PTPRM: variants seen among roughly 807,000 people sequenced by gnomAD.
The protein encoded by PTPRM is receptor-type tyrosine-protein phosphatase mu.
Under a neutral mutation model 186.7 loss-of-function variants are expected in PTPRM, and 47 were observed. That is an observed-to-expected ratio of 0.25 (90% CI 0.20 to 0.32). The LOEUF is 0.32. Ranked by LOEUF, PTPRM falls within the 10% of genes least tolerant of loss-of-function variation. The pLI is 1.00. For missense variants in PTPRM, 1,494 were observed against 1,865.0 expected (o/e 0.80, Z 3.66); for synonymous variants, 668 against 674.9 (o/e 0.99, Z 0.16).
intron 2 of PTPRM, among the ~76,000 whole-genome samples, chr18:7,876,954 T>C (rs1333448761): frequency 6.6e-6 from 1 of 152,142 alleles, no homozygotes. Context: ...CCTCTATGCC[T>C]GAGTTCTGTC....
intron 2 of PTPRM, among the ~76,000 whole-genome samples, chr18:7,858,503 A>G (rs2047195885): frequency 6.6e-6 from 1 of 152,198 alleles, no homozygotes; most frequent in South Asian, 2.1e-4. Flanking sequence ...TGACATTACA[A>G]TGAGCTGTGA....
chr18:7,751,778 G>A (rs909617391), intron 1 of PTPRM, among the ~76,000 whole-genome samples: 4 of 152,172 alleles, frequency 2.6e-5, no homozygotes, highest in Admixed American at 1.3e-4. Flanking sequence ...ACTAACTACT[G>A]CAAAAGCCTT....
At chr18:8,168,786 G>A (rs1313002107) in intron 14 of PTPRM, among the ~76,000 whole-genome samples, 1 of 152,146 alleles carries the variant, frequency 6.6e-6, no homozygotes. Context: ...GTATGGAGCA[G>A]GATTTAACCA....
chr18:8,131,102 C>G (rs1291175495), intron 13 of PTPRM, among the ~76,000 whole-genome samples: 1 of 152,130 alleles, frequency 6.6e-6, no homozygotes, highest in Non-Finnish European at 1.5e-5. Context: ...TAATCCAGGC[C>G]ACTGCCAGTC....
chr18:8,016,449 T>TGGCGGA (rs536553098), intron 7 of PTPRM, among the ~76,000 whole-genome samples: 68 of 147,368 alleles, frequency 4.6e-4, no homozygotes, highest in South Asian at 2.6e-3. Context: ...GAACCTCTCA[T>TGGCGGA]GGCGGAGGCG....
In PTPRM at chr18:8,143,777, A is replaced by T; in HGVS notation, c.2298A>T (p.Lys766Asn). The T allele has an allele frequency of 6.2e-7, 1 of 1,614,092 alleles. No individual in the cohort carries two copies. Among genetic ancestry groups the T allele is most frequent in the Non-Finnish European group, 8.5e-7 (1 of 1,179,942 alleles). ...IFLGVVLVMK[K>N]RKLAKKRKET... ...TTGGAGTTGTGTTGGTAATGAAGAA[A>T]AGGTGAGCTCCTAGCTGTTGCCAAA... The change falls in exon 14 of 33, where the codon AAA (lysine) becomes AAT (asparagine). Residue 766 changes from lysine to asparagine, a missense_variant and splice_region_variant. This residue lies in a region of PTPRM where 1,107 missense variants were observed against 1,350.2 expected (regional missense o/e 0.82). Coordinates refer to ENST00000580170, the MANE Select transcript of PTPRM (RefSeq NM_001105244.2).
intron 1 of PTPRM, among the ~76,000 whole-genome samples, chr18:7,628,478 G>A (rs888648329): frequency 5.3e-5 from 8 of 152,090 alleles, no homozygotes; most frequent in African/African-American, 1.4e-4. Flanking sequence ...ATTGTAAATC[G>A]TTTGTCTTTT....
chr18:7,899,870 G>A (rs1035924867), intron 3 of PTPRM, among the ~76,000 whole-genome samples: 8 of 152,104 alleles, frequency 5.3e-5, no homozygotes, highest in African/African-American at 1.9e-4. Flanking sequence ...TTGCAAATAT[G>A]TATTTTAAAA....
rs139722023 is a variant in PTPRM, at chr18:8,277,077, C to T, written c.2755-19291C>T. ...TCAGCCCCCTGAGTAGCTGGGACTACGGGCACCTACCACCATGCCTGGCTA... is the reference window on the plus strand; with the variant it reads ...TCAGCCCCCTGAGTAGCTGGGACTATGGGCACCTACCACCATGCCTGGCTA... On this transcript the variant is annotated intron_variant, in intron 19 of 32. Coordinates refer to ENST00000580170, the MANE Select transcript of PTPRM (RefSeq NM_001105244.2). 3.8e-3 allele frequency among the ~76,000 whole-genome samples: 577 copies of T among 152,158 alleles called. 3 individuals are homozygous for T. The highest frequency in any genetic ancestry group is 0.013 in the African/African-American group (556 of 41,518).
At chr18:8,162,629 G>C (rs988959987) in intron 14 of PTPRM, among the ~76,000 whole-genome samples, 1 of 152,210 alleles carries the variant, frequency 6.6e-6, no homozygotes. Context: ...GAGACCCAGA[G>C]ATCATCTAAG....
intron 7 of PTPRM, among the ~76,000 whole-genome samples, chr18:8,018,966 C>T (rs374950615): frequency 1.1e-4 from 16 of 152,170 alleles, no homozygotes; most frequent in South Asian, 2.1e-4. Context: ...TTTTCCCATC[C>T]GTAATAACGA....
intron 15 of PTPRM, among the ~76,000 whole-genome samples, chr18:8,245,350 A>C (rs1568594045): frequency 6.6e-6 from 1 of 152,142 alleles, no homozygotes; most frequent in Non-Finnish European, 1.5e-5. Context: ...CACATGGCCC[A>C]GTGGAGCATG....
chr18:8,135,769 T>A (rs191311859), intron 13 of PTPRM, among the ~76,000 whole-genome samples: 119 of 152,326 alleles, frequency 7.8e-4, no homozygotes, highest in Non-Finnish European at 1.4e-3. Context: ...CTTTTGTGTG[T>A]GTAGTTCTTA....
intron 17 of PTPRM, among the ~76,000 whole-genome samples, chr18:8,252,218 T>A (rs2094534145): frequency 6.6e-6 from 1 of 152,246 alleles, no homozygotes; most frequent in Non-Finnish European, 1.5e-5. Flanking sequence ...AAGACTTATT[T>A]AGACATTACT....
At chr18:8,130,731 G>C (rs1568391892) in intron 13 of PTPRM, among the ~76,000 whole-genome samples, 1 of 152,114 alleles carries the variant, frequency 6.6e-6, no homozygotes, top group East Asian at 1.9e-4. Context: ...GGACTTAACA[G>C]TCCCCTAACT....
intron 4 of PTPRM, among the ~76,000 whole-genome samples, chr18:7,916,694 T>C (rs569470073): frequency 6.6e-6 from 1 of 152,330 alleles, no homozygotes; most frequent in East Asian, 1.9e-4. Context: ...CTATGAGGTA[T>C]AGAGTGATAT....
chr18:8,012,118 G>A (rs755910501), intron 7 of PTPRM, among the ~76,000 whole-genome samples: 6 of 152,290 alleles, frequency 3.9e-5, no homozygotes, highest in Admixed American at 6.5e-5. Context: ...CCACTGGGGG[G>A]CATTGACCTG....
chr18:7,771,031 T>C (rs1160838439), intron 1 of PTPRM, among the ~76,000 whole-genome samples: 2 of 152,204 alleles, frequency 1.3e-5, no homozygotes, highest in Non-Finnish European at 2.9e-5. Context: ...CTTTGTGTAA[T>C]GGGAAAATTA....
chr18:7,833,721 C>T (rs2045877303), intron 2 of PTPRM, among the ~76,000 whole-genome samples: 1 of 151,672 alleles, frequency 6.6e-6, no homozygotes, highest in Admixed American at 6.6e-5. Context: ...TCCACAAGAG[C>T]GAGACTCTGT....
Sources: allele counts gnomAD v4.1 joint callset (sites outside exome capture counted in the v4.1 genomes callset), GRCh38; gene constraint gnomAD v4.1.1; regional missense constraint gnomAD v4.1.1; transcripts MANE v1.5; gene names NCBI Gene and HGNC (gene_info 2026-07-23, HGNC 2026-07-21).